Variants in NRIP1 observed in about 807,000 individuals in gnomAD.
NRIP1 encodes nuclear receptor interacting protein 1, also known as nuclear receptor-interacting protein 1.
NRIP1 carries 28 observed loss-of-function variants against 75.0 expected under a neutral mutation model. That is an observed-to-expected ratio of 0.37 (90% confidence interval 0.28 to 0.51). NRIP1 has a LOEUF of 0.51. Among genes scored for constraint, NRIP1 ranks in the 20% least tolerant of loss-of-function variants. The probability of loss-of-function intolerance (pLI) is 0.92; values close to 1 mark genes in which losing one functional copy is unlikely to be tolerated. For synonymous variants in NRIP1, 526 were observed against 487.6 expected, an observed-to-expected ratio of 1.08 and a Z score of -1.04; for missense variants, 1,435 against 1,343.7, an observed-to-expected ratio of 1.07 and a Z score of -1.06.
At chr21:15,025,971 A>T (rs1340513279) in intron 2 of NRIP1, among the ~76,000 whole-genome samples, 1 of 152,158 alleles carries the variant, frequency 6.6e-6, no homozygotes, top group East Asian at 1.9e-4. Flanking sequence ...TATCGGGACA[A>T]CCTGGAAACT....
intron 3 of NRIP1, among the ~76,000 whole-genome samples, chr21:15,002,526 T>A (rs1017760084): frequency 6.6e-6 from 1 of 152,060 alleles, no homozygotes; most frequent in African/African-American, 2.4e-5. Context: ...AAAATACAGA[T>A]GTGTCTACTT....
chr21:14,966,644 T>C lies in NRIP1; in HGVS notation c.1549A>G (p.Thr517Ala). 1.9e-6 allele frequency: 3 copies of C among 1,614,130 alleles called. No homozygotes were observed. Among genetic ancestry groups the C allele is most frequent in the Non-Finnish European group, 2.5e-6 (3 of 1,179,998 alleles). Residue 517 changes from threonine to alanine, a missense_variant, in exon 4 of 4, where the codon ACC becomes GCC. Thr to Ala is a moderately conservative substitution (Grantham distance 58, BLOSUM62 0). Transcript: ENST00000318948. The part of the protein sequence containing the change: ...HKNEENVEKN[T>A]SPQGVHNDVS... ...TCATTGTGTACTCCCTGAGGGCTGG[T>C]GTTTTTTTCTACATTTTCTTCATTC...
intron 2 of NRIP1, among the ~76,000 whole-genome samples, chr21:15,024,659 C>T (rs1374035044): frequency 6.6e-6 from 1 of 150,758 alleles, no homozygotes. Context: ...GGGGGTAGCC[C>T]TAATAAGAGG....
chr21:15,005,963 GCA>G (rs1238344427), intron 3 of NRIP1, among the ~76,000 whole-genome samples: 1 of 151,986 alleles, frequency 6.6e-6, no homozygotes, highest in Non-Finnish European at 1.5e-5. Context: ...CAGATTTGTA[GCA>G]CAGTCACAGG....
At chr21:14,993,980 C>T (rs957986824) in intron 3 of NRIP1, among the ~76,000 whole-genome samples, 6 of 152,156 alleles carry the variant, frequency 3.9e-5, no homozygotes, top group Non-Finnish European at 5.9e-5. Context: ...ATTCTGACAT[C>T]TACAGTTGGA....
At chr21:14,984,516 C>A (rs2087338665) in intron 3 of NRIP1, among the ~76,000 whole-genome samples, 2 of 151,830 alleles carry the variant, frequency 1.3e-5, no homozygotes, top group Admixed American at 6.6e-5. Flanking sequence ...GAGATGGAAT[C>A]TACTCTGGTG....
rs767770418 is a variant in NRIP1, at chr21:14,965,446, C to A, written c.2747G>T (p.Gly916Val). 5 of 1,613,754 alleles carry A rather than the reference C, an allele frequency of 3.1e-6. No homozygotes were observed. Among genetic ancestry groups the A allele is most frequent in the Non-Finnish European group, 4.2e-6 (5 of 1,179,862 alleles). Residue 916 changes from glycine to valine, a missense_variant, in exon 4 of 4, where the codon GGC (glycine) becomes GTC (valine). Coordinates refer to ENST00000318948, the MANE Select transcript of NRIP1 (RefSeq NM_003489.4). Reference sequence around the variant, plus strand: ...CCTGTGTTCACTTTCGCTGGCTGAGCCATGACCAGCAGGATATTTAAATTC... The same window carrying A: ...CCTGTGTTCACTTTCGCTGGCTGAGACATGACCAGCAGGATATTTAAATTC... ...DLEFKYPAGHGSASESEHRSW... is the reference protein window; with the variant it reads ...DLEFKYPAGHVSASESEHRSW...
intron 2 of NRIP1, among the ~76,000 whole-genome samples, chr21:15,024,272 A>C (rs931978555): frequency 1.3e-5 from 2 of 152,156 alleles, no homozygotes; most frequent in South Asian, 4.1e-4. Flanking sequence ...GGTTGGTGTG[A>C]TGGCTCACGC....
intron 2 of NRIP1, among the ~76,000 whole-genome samples, chr21:15,039,717 T>A (rs2088912102): frequency 6.6e-6 from 1 of 152,040 alleles, no homozygotes; most frequent in Admixed American, 6.5e-5. Flanking sequence ...AGCCATGCTT[T>A]TGAAAAAAGA....
chr21:15,045,067 C>T (rs1254969701), intron 1 of NRIP1, among the ~76,000 whole-genome samples: 1 of 152,208 alleles, frequency 6.6e-6, no homozygotes, highest in African/African-American at 2.4e-5. Flanking sequence ...CATTCTCTCT[C>T]TCATCCACTC....
intron 3 of NRIP1, among the ~76,000 whole-genome samples, chr21:15,003,068 AT>A: frequency 6.6e-6 from 1 of 152,288 alleles, no homozygotes; most frequent in East Asian, 1.9e-4. Flanking sequence ...TCAATTAGAC[AT>A]TTTCACTTGG....
At chr21:15,061,313 C>T (rs960343804) in intron 1 of NRIP1, among the ~76,000 whole-genome samples, 4 of 152,154 alleles carry the variant, frequency 2.6e-5, no homozygotes, top group African/African-American at 7.2e-5. Flanking sequence ...ACAAAACCCA[C>T]TCTGATTGTG....
chr21:14,965,724 T>C lies in NRIP1; in HGVS notation c.2469A>G (p.Leu823=), dbSNP rs747988325. The C allele has an allele frequency of 3.7e-6, 6 of 1,613,818 alleles. No homozygotes were observed. The highest frequency in any genetic ancestry group is 5.1e-6 in the Non-Finnish European group (6 of 1,179,980). The change falls in exon 4 of 4, where the codon CTA becomes CTG. Residue 823 remains leucine, a synonymous_variant. Coordinates refer to ENST00000318948, the MANE Select transcript of NRIP1 (RefSeq NM_003489.4). ...CCAGGTAACTATCTTGATTTTGTCTTAGCAATCGACTTAGCAGACCATTCT... is the reference window on the plus strand; with the variant it reads ...CCAGGTAACTATCTTGATTTTGTCTCAGCAATCGACTTAGCAGACCATTCT... ...FSKNGLLSRL[L]RQNQDSYLAD... is the part of the protein sequence containing the mutation.
intron 2 of NRIP1, among the ~76,000 whole-genome samples, chr21:15,029,631 G>A (rs149943893): frequency 6.6e-6 from 1 of 152,050 alleles, no homozygotes; most frequent in East Asian, 1.9e-4. Flanking sequence ...GGACTTAGAA[G>A]AATAACCGAA....
intron 3 of NRIP1, among the ~76,000 whole-genome samples, chr21:15,000,770 T>C (rs2087831206): frequency 6.6e-6 from 1 of 152,158 alleles, no homozygotes; most frequent in Non-Finnish European, 1.5e-5. Flanking sequence ...CCCACAAAAC[T>C]AGGTGTACAA....
chr21:15,021,207 A>AAAAGGGAATGAACT (rs1408146708), intron 2 of NRIP1, among the ~76,000 whole-genome samples: 1 of 152,248 alleles, frequency 6.6e-6, no homozygotes, highest in East Asian at 1.9e-4. Context: ...AACCAACAAA[A>AAAAGGGAATGAACT]AAAGGGAATG....
intron 2 of NRIP1, among the ~76,000 whole-genome samples, chr21:15,022,392 G>C (rs2088399253): frequency 6.6e-6 from 1 of 152,192 alleles, no homozygotes; most frequent in Non-Finnish European, 1.5e-5. Flanking sequence ...TGGGTGGGAG[G>C]TGTGGGGGGA....
chr21:15,027,348 C>T (rs2147238462), intron 2 of NRIP1, among the ~76,000 whole-genome samples: 1 of 152,300 alleles, frequency 6.6e-6, no homozygotes, highest in South Asian at 2.1e-4. Flanking sequence ...CCAAGGGTTA[C>T]TTACATAACA....
intron 1 of NRIP1, among the ~76,000 whole-genome samples, chr21:15,063,845 G>A (rs1472073323): frequency 6.6e-6 from 1 of 152,178 alleles, no homozygotes; most frequent in Non-Finnish European, 1.5e-5. Context: ...ACCTTCAGCA[G>A]CCAATTATTG....
Sources: allele counts gnomAD v4.1 joint callset (sites outside exome capture counted in the v4.1 genomes callset), GRCh38; gene constraint gnomAD v4.1.1; transcripts MANE v1.5; gene names NCBI Gene and HGNC (gene_info 2026-07-23, HGNC 2026-07-21).